MDGA2: variants seen among roughly 807,000 people sequenced by gnomAD.
MDGA2 encodes the protein MAM domain containing glycosylphosphatidylinositol anchor 2, also known as MAM domain-containing glycosylphosphatidylinositol anchor protein 2.
Under a neutral mutation model 117.8 loss-of-function variants are expected in MDGA2, and 40 were observed. The observed-to-expected ratio is 0.34, with a 90% CI of 0.26 to 0.44. The LOEUF is 0.44. Among genes scored for constraint, MDGA2 ranks in the 20% least tolerant of loss-of-function variants. The pLI, the probability that MDGA2 is intolerant of heterozygous loss-of-function variation, is 1.00. For synonymous variants in MDGA2, 452 were observed against 439.0 expected (o/e 1.03, Z -0.37); for missense variants, 1,123 against 1,250.6 (o/e 0.90, Z 1.54).
At chr14:46,945,558 CCTT>C (rs1885143652) in intron 9 of MDGA2, among the ~76,000 whole-genome samples, 1 of 151,996 alleles carries the variant, frequency 6.6e-6, no homozygotes, top group Non-Finnish European at 1.5e-5. Context: ...CTCCTATGAC[CCTT>C]CTTCTACAGA....
intron 3 of MDGA2, among the ~76,000 whole-genome samples, chr14:47,177,815 A>G (rs1172389166): frequency 2.0e-5 from 3 of 152,244 alleles, no homozygotes; most frequent in Admixed American, 1.3e-4. Flanking sequence ...TAAAATAAAA[A>G]TTAAAAAGAA....
intron 1 of MDGA2, among the ~76,000 whole-genome samples, chr14:47,301,836 T>A (rs1208350206): frequency 6.6e-6 from 1 of 152,134 alleles, no homozygotes; most frequent in Non-Finnish European, 1.5e-5. Context: ...ATTGTTAAAA[T>A]GTGAGAAGGT....
At chr14:47,172,681 A>C (rs1270374080) in intron 3 of MDGA2, among the ~76,000 whole-genome samples, 1 of 151,690 alleles carries the variant, frequency 6.6e-6, no homozygotes, top group Admixed American at 6.6e-5. Flanking sequence ...AAAGTAGATA[A>C]AACCACAAAG....
intron 7 of MDGA2, among the ~76,000 whole-genome samples, chr14:47,054,988 T>A (rs1052184048): frequency 1.1e-5 from 1 of 92,560 alleles, no homozygotes; most frequent in Non-Finnish European, 2.2e-5. Context: ...CGTTGTCCAA[T>A]TTTTTTTTCT....
intron 1 of MDGA2, among the ~76,000 whole-genome samples, chr14:47,545,925 AGT>A (rs1385144436): frequency 2.6e-5 from 4 of 152,148 alleles, no homozygotes; most frequent in Non-Finnish European, 5.9e-5. Flanking sequence ...TTGTATTTTA[AGT>A]GTTCATCTCA....
chr14:47,076,129 A>G (rs1890482355), intron 6 of MDGA2, among the ~76,000 whole-genome samples: 1 of 152,132 alleles, frequency 6.6e-6, no homozygotes, highest in Non-Finnish European at 1.5e-5. Flanking sequence ...ACGATTAGTG[A>G]TGGTGCCTGA....
chr14:47,453,857 G>A (rs1312766245), intron 1 of MDGA2, among the ~76,000 whole-genome samples: 1 of 152,170 alleles, frequency 6.6e-6, no homozygotes, highest in East Asian at 1.9e-4. Flanking sequence ...CTGATTTTGG[G>A]TGAGCACTGA....
chr14:47,172,717 C>G (rs528265715), intron 3 of MDGA2, among the ~76,000 whole-genome samples: 118 of 152,206 alleles, frequency 7.8e-4, no homozygotes, highest in Non-Finnish European at 1.4e-3. Context: ...AGCAGAAAAA[C>G]TGGGAACTCT....
At chr14:47,001,602 A>G (rs1887531859) in intron 8 of MDGA2, among the ~76,000 whole-genome samples, 2 of 152,176 alleles carry the variant, frequency 1.3e-5, no homozygotes, top group South Asian at 4.1e-4. Flanking sequence ...ACTATTCAAT[A>G]CAAAAATAAA....
chr14:47,337,576 T>A (rs1461846104), intron 1 of MDGA2, among the ~76,000 whole-genome samples: 1 of 151,954 alleles, frequency 6.6e-6, no homozygotes, highest in Non-Finnish European at 1.5e-5. Flanking sequence ...CAGATATAAA[T>A]ACTACTAGAG....
intron 1 of MDGA2, among the ~76,000 whole-genome samples, chr14:47,310,981 C>T (rs1283704347): frequency 6.6e-6 from 1 of 152,074 alleles, no homozygotes; most frequent in African/African-American, 2.4e-5. Flanking sequence ...TTAATAGTGT[C>T]AGAAGCCATA....
intron 9 of MDGA2, among the ~76,000 whole-genome samples, chr14:46,942,707 T>C (rs1402130033): frequency 6.6e-6 from 1 of 152,130 alleles, no homozygotes; most frequent in Non-Finnish European, 1.5e-5. Flanking sequence ...GTTTTTGAAA[T>C]CCATCCACTT....
At chr14:47,485,094 T>C (rs751393683) in intron 1 of MDGA2, among the ~76,000 whole-genome samples, 1 of 151,992 alleles carries the variant, frequency 6.6e-6, no homozygotes, top group Non-Finnish European at 1.5e-5. Context: ...TGAAACAGTT[T>C]GGAGGGCTCA....
At chr14:47,204,927 A>G (rs1885628382) in intron 3 of MDGA2, among the ~76,000 whole-genome samples, 1 of 151,944 alleles carries the variant, frequency 6.6e-6, no homozygotes, top group Admixed American at 6.6e-5. Context: ...GATTTGAACA[A>G]TCTACTTAAA....
At chr14:47,389,732 T>C (rs1039312471) in intron 1 of MDGA2, among the ~76,000 whole-genome samples, 4 of 151,438 alleles carry the variant, frequency 2.6e-5, no homozygotes, top group Non-Finnish European at 4.4e-5. Flanking sequence ...GGCCTCAGGG[T>C]GAAAAAAGGG....
At chr14:47,567,825 A>C (rs1162005832) in intron 1 of MDGA2, among the ~76,000 whole-genome samples, 1 of 152,136 alleles carries the variant, frequency 6.6e-6, no homozygotes, top group South Asian at 2.1e-4. Context: ...AAAAAGTACA[A>C]AATTTTATTT....
At chr14:47,442,131 A>C (rs1893024799) in intron 1 of MDGA2, among the ~76,000 whole-genome samples, 1 of 152,164 alleles carries the variant, frequency 6.6e-6, no homozygotes, top group Non-Finnish European at 1.5e-5. Context: ...TTTTAACAAT[A>C]TAATTGATAA....
At chr14:47,063,009 G>T (rs1889948249) in intron 6 of MDGA2, among the ~76,000 whole-genome samples, 1 of 151,956 alleles carries the variant, frequency 6.6e-6, no homozygotes. Context: ...GCTGGGTTCT[G>T]ACTACAGGAC....
intron 1 of MDGA2, among the ~76,000 whole-genome samples, chr14:47,327,160 C>T (rs1179225841): frequency 6.6e-6 from 1 of 152,146 alleles, no homozygotes; most frequent in Non-Finnish European, 1.5e-5. Flanking sequence ...CAAACTGTGG[C>T]TCCCTAAAAG....
Sources: gnomAD v4.1 joint callset for allele counts (sites outside exome capture counted in the v4.1 genomes callset) on GRCh38, gnomAD v4.1.1 for gene constraint, MANE v1.5 for transcripts, NCBI Gene and HGNC (gene_info 2026-07-23, HGNC 2026-07-21) for gene names.